DENND1A: variants seen among roughly 807,000 people sequenced by gnomAD.
The protein encoded by DENND1A is DENN domain containing 1A, also known as DENN domain-containing protein 1A.
In DENND1A, 51 loss-of-function variants were observed where a neutral mutation model predicts 113.7. That is an observed-to-expected ratio of 0.45 (90% CI 0.36 to 0.57). The LOEUF is 0.57. DENND1A is among the 20% of genes least tolerant of loss of function. The pLI is 0.00. For missense variants in DENND1A, 1,258 were observed against 1,395.9 expected (o/e 0.90, Z 1.57); for synonymous variants, 565 against 570.8 (o/e 0.99, Z 0.14).
chr9:123,902,152 A>C (rs182244923), intron 1 of DENND1A, among the ~76,000 whole-genome samples: 408 of 149,016 alleles, frequency 2.7e-3, no homozygotes, highest in African/African-American at 9.8e-3. Flanking sequence ...TCCTGGTTAT[A>C]CTCATGGGTC....
In DENND1A at chr9:123,830,619, C is replaced by T. The variant is rs558007790; in HGVS notation, c.89-37989G>A. On this transcript the variant is annotated intron_variant, in intron 2 of 23. Transcript: ENST00000394215. ...GTGGCTCACAAGTGTAATCCCAGCACTTTGGGAGGCCGAGGGGGGCGGACC... is the reference window on the plus strand; with the variant it reads ...GTGGCTCACAAGTGTAATCCCAGCATTTTGGGAGGCCGAGGGGGGCGGACC... Among the ~76,000 whole-genome samples the T allele has an allele frequency of 2.6e-5, 4 of 151,992 alleles. No individual in the cohort carries two copies. In the East Asian group the frequency reaches 7.7e-4, roughly 29 times the overall value.
intron 2 of DENND1A, among the ~76,000 whole-genome samples, chr9:123,870,581 T>G (rs1304239066): frequency 6.6e-6 from 1 of 151,772 alleles, no homozygotes; most frequent in Non-Finnish European, 1.5e-5. Context: ...GAATTACAGG[T>G]GCATGCCACC....
intron 9 of DENND1A, among the ~76,000 whole-genome samples, chr9:123,650,896 G>C (rs2062609109): frequency 1.9e-5 from 2 of 103,228 alleles, no homozygotes; most frequent in Admixed American, 2.8e-4. Context: ...GACAGAGTAA[G>C]ACTCTGTCTC....
At chr9:123,627,611 G>C (rs543259328) in intron 10 of DENND1A, among the ~76,000 whole-genome samples, 2 of 151,990 alleles carry the variant, frequency 1.3e-5, no homozygotes, top group Non-Finnish European at 2.9e-5. Context: ...GTGATGGTAC[G>C]CGCCTGTAAT....
At chr9:123,674,197 A>G (rs1238243866) in intron 6 of DENND1A, among the ~76,000 whole-genome samples, 2 of 152,100 alleles carry the variant, frequency 1.3e-5, no homozygotes, top group African/African-American at 2.4e-5. Context: ...TTGCCCTGCC[A>G]TCCCTTCCAC....
At chr9:123,435,868 T>G (rs7044960) in intron 19 of DENND1A, among the ~76,000 whole-genome samples, 1 of 152,052 alleles carries the variant, frequency 6.6e-6, no homozygotes, top group African/African-American at 2.4e-5. Flanking sequence ...TGCCTCCTCA[T>G]GTGTACGATG....
At chr9:123,631,417 T>C (rs1168603751) in intron 9 of DENND1A, among the ~76,000 whole-genome samples, 1 of 152,236 alleles carries the variant, frequency 6.6e-6, no homozygotes, top group African/African-American at 2.4e-5. Context: ...TTTTACTGGT[T>C]TATAAGCAAT....
intron 21 of DENND1A, among the ~76,000 whole-genome samples, chr9:123,399,382 T>C (rs1410889163): frequency 6.6e-6 from 1 of 152,170 alleles, no homozygotes; most frequent in Non-Finnish European, 1.5e-5. Context: ...ATTTTATTTT[T>C]TGAGATAGGG....
chr9:123,721,661 A>T (rs771985000), intron 5 of DENND1A, among the ~76,000 whole-genome samples: 4 of 152,190 alleles, frequency 2.6e-5, no homozygotes, highest in Admixed American at 6.5e-5. Flanking sequence ...GATGATAATG[A>T]ATCAGTCTCA....
intron 5 of DENND1A, among the ~76,000 whole-genome samples, chr9:123,715,471 C>T (rs2066912945): frequency 6.6e-6 from 1 of 152,186 alleles, no homozygotes; most frequent in Admixed American, 6.5e-5. Flanking sequence ...TCACCCACAT[C>T]AATGACTGAA....
At chr9:123,471,349 C>T (rs548517710) in intron 13 of DENND1A, among the ~76,000 whole-genome samples, 5 of 152,258 alleles carry the variant, frequency 3.3e-5, no homozygotes, top group Admixed American at 6.5e-5. Flanking sequence ...GATTGACAAT[C>T]GAGGCATGGA....
intron 2 of DENND1A, among the ~76,000 whole-genome samples, chr9:123,866,611 T>A (rs920565629): frequency 2.0e-5 from 3 of 152,222 alleles, no homozygotes; most frequent in Non-Finnish European, 4.4e-5. Flanking sequence ...AGTTGTGTTG[T>A]TTGATTTTGG....
chr9:123,561,015 C>T (rs2057721366), intron 12 of DENND1A, among the ~76,000 whole-genome samples: 1 of 152,172 alleles, frequency 6.6e-6, no homozygotes, highest in Non-Finnish European at 1.5e-5. Flanking sequence ...ATACTACCCA[C>T]TCCCTGCCCC....
chr9:123,671,170 T>C, intron 7 of DENND1A, 121 bp downstream of exon 7: 1 of 1,092,646 alleles, frequency 9.2e-7, no homozygotes, highest in Non-Finnish European at 1.4e-6. Context: ...GGTCTCAGAG[T>C]ATTTGGGGGT....
chr9:123,693,539 T>G (rs574927641), intron 5 of DENND1A, among the ~76,000 whole-genome samples: 1 of 151,956 alleles, frequency 6.6e-6, no homozygotes, highest in African/African-American at 2.4e-5. Flanking sequence ...CAGAACATCA[T>G]AGAAATGGAA....
intron 2 of DENND1A, among the ~76,000 whole-genome samples, chr9:123,805,487 G>A (rs934066864): frequency 4.7e-5 from 7 of 150,018 alleles, no homozygotes; most frequent in South Asian, 2.1e-4. Flanking sequence ...AAGATGGACT[G>A]TAATGGCATG....
Position 123,440,388 on chromosome 9 carries a change from C to T in DENND1A, c.1460G>A (p.Arg487Gln), listed in dbSNP as rs200978742. Residue 487 changes from arginine to glutamine, a missense_variant, in exon 19 of 24, where the codon CGG (arginine) becomes CAG (glutamine). This residue lies in a region of DENND1A where 1,159 missense variants were observed against 1,231.7 expected (regional missense o/e 0.94). Transcript: ENST00000394215. ...TCCAAAGTGGACTGTGATTGGCCGCCGGTCTTCTCGGAGCTTGGGGTCCTT... is the reference window on the plus strand; with the variant it reads ...TCCAAAGTGGACTGTGATTGGCCGCTGGTCTTCTCGGAGCTTGGGGTCCTT... ...EAKDPKLRED[R>Q]RPITVHFGQL... 53 of 1,601,278 alleles carry T rather than the reference C, an allele frequency of 3.3e-5. No individual in the cohort carries two copies. Among genetic ancestry groups the T allele is most frequent in the Admixed American group, 1.0e-4 (6 of 57,754 alleles).
At chr9:123,667,664 T>C (rs1029044401) in intron 7 of DENND1A, among the ~76,000 whole-genome samples, 4 of 152,112 alleles carry the variant, frequency 2.6e-5, no homozygotes, top group African/African-American at 7.2e-5. Context: ...GCTAAACACA[T>C]GAAAAAGGCG....
intron 13 of DENND1A, among the ~76,000 whole-genome samples, chr9:123,552,299 C>T (rs761184980): frequency 5.9e-5 from 9 of 152,294 alleles, no homozygotes; most frequent in Middle Eastern, 3.4e-3. Context: ...CTTCCCAGGG[C>T]CGTCAGGACA....
Sources: allele counts gnomAD v4.1 joint callset (sites outside exome capture counted in the v4.1 genomes callset), GRCh38; gene constraint gnomAD v4.1.1; regional missense constraint gnomAD v4.1.1; transcripts MANE v1.5; gene names NCBI Gene and HGNC (gene_info 2026-07-23, HGNC 2026-07-21).